The following PGGT1B variants were observed in gnomAD, a reference collection of about 807,000 sequenced individuals.
PGGT1B encodes protein geranylgeranyltransferase type I subunit beta.
Under a neutral mutation model 46.1 loss-of-function variants are expected in PGGT1B, and 30 were observed. That is an observed-to-expected ratio of 0.65 (90% CI 0.49 to 0.88). The LOEUF (loss-of-function observed/expected upper bound fraction) is 0.88. Ranked by LOEUF, PGGT1B falls within the 40% of genes least tolerant of loss-of-function variation. The pLI is 0.00. For missense variants in PGGT1B, 376 were observed against 455.9 expected (o/e 0.82, Z 1.60); for synonymous variants, 170 against 160.0 (o/e 1.06, Z -0.47).
In PGGT1B at chr5:115,262,827, G is replaced by A; in HGVS notation, c.25C>T (p.Leu9=). The part of the protein sequence containing the change: MAATEDER[L]AGSGEGERLD... ...CGCTCTCCCTCACCGCTCCCTGCTA[G>A]CCTCTCATCCTCAGTGGCCGCCATG... The change falls in exon 1 of 9, where the codon CTA becomes TTA. Residue 9 remains leucine (L), a synonymous_variant. Transcript: ENST00000419445. The A allele has an allele frequency of 6.2e-7, 1 of 1,612,490 alleles. No individual in the cohort carries two copies.
intron 2 of PGGT1B, among the ~76,000 whole-genome samples, chr5:115,242,062 T>C (rs544215813): frequency 2.6e-5 from 4 of 152,334 alleles, no homozygotes; most frequent in East Asian, 3.9e-4. Flanking sequence ...CTTCTTTACA[T>C]GGGAGCAAAC....
chr5:115,256,804 G>T (rs763901691), intron 1 of PGGT1B, among the ~76,000 whole-genome samples: 4 of 152,174 alleles, frequency 2.6e-5, no homozygotes, highest in Admixed American at 6.5e-5. Flanking sequence ...GTTCCTAGAT[G>T]ACTTCTACTT....
rs1291488247 is a variant in PGGT1B, at chr5:115,233,626, T to C, written c.613-2605A>G. ...CCCAAAGGCTAACTCTGGCCTGCAGTCTGGATTTGTATGGCCCTCGAGTTA... is the reference window on the plus strand; with the variant it reads ...CCCAAAGGCTAACTCTGGCCTGCAGCCTGGATTTGTATGGCCCTCGAGTTA... On this transcript the variant is annotated intron_variant, in intron 5 of 8. Coordinates refer to ENST00000419445, the MANE Select transcript of PGGT1B (RefSeq NM_005023.4). 2.0e-5 allele frequency among the ~76,000 whole-genome samples: 3 copies of C among 150,464 alleles called. No individual in the cohort carries two copies. In the East Asian group the frequency reaches 5.8e-4, roughly 29 times the overall value.
At chr5:115,242,620 T>C (rs866644729) in intron 2 of PGGT1B, among the ~76,000 whole-genome samples, 3 of 152,188 alleles carry the variant, frequency 2.0e-5, no homozygotes, top group Non-Finnish European at 4.4e-5. Context: ...CCACTAAATT[T>C]AAACTCTCCA....
intron 8 of PGGT1B, among the ~76,000 whole-genome samples, chr5:115,213,301 C>T (rs760346729): frequency 5.9e-5 from 9 of 152,214 alleles, no homozygotes; most frequent in Non-Finnish European, 1.2e-4. Context: ...CAGCGATCCT[C>T]TTCTATTAAA....
At chr5:115,244,747 C>A (rs1186873106) in intron 2 of PGGT1B, among the ~76,000 whole-genome samples, 2 of 151,782 alleles carry the variant, frequency 1.3e-5, no homozygotes, top group Middle Eastern at 3.4e-3. Context: ...TGAGCTACCA[C>A]GCCCAGCTAA....
intron 5 of PGGT1B, chr5:115,231,616 T>A (rs997352669): frequency 6.6e-6 from 1 of 152,120 alleles, no homozygotes; most frequent in Non-Finnish European, 1.5e-5. Flanking sequence ...AGCCGTCTAT[T>A]GCAACTCTAC....
intron 2 of PGGT1B, among the ~76,000 whole-genome samples, chr5:115,249,548 G>A (rs553720293): frequency 3.3e-5 from 5 of 152,014 alleles, no homozygotes; most frequent in African/African-American, 1.2e-4. Flanking sequence ...TGGGAGTCAG[G>A]GTAGATCAGA....
chr5:115,245,114 A>T (rs1398695604), intron 2 of PGGT1B, among the ~76,000 whole-genome samples: 1 of 152,140 alleles, frequency 6.6e-6, no homozygotes, highest in Non-Finnish European at 1.5e-5. Context: ...GACAGCTCTG[A>T]TACCATCTGT....
At chr5:115,235,283 A>T (rs1757144531) in intron 5 of PGGT1B, among the ~76,000 whole-genome samples, 1 of 152,122 alleles carries the variant, frequency 6.6e-6, no homozygotes, top group Non-Finnish European at 1.5e-5. Flanking sequence ...AAGTATAAGT[A>T]AATAAATAAA....
At chr5:115,237,829 C>A (rs764860701) in intron 4 of PGGT1B, 29 bp downstream of exon 4, 29 of 1,589,526 alleles carry the variant, frequency 1.8e-5, no homozygotes, top group Non-Finnish European at 2.5e-5. Context: ...TTGTTTATTA[C>A]AAAAAAAGTA....
At chr5:115,246,266 G>T (rs1162601270) in intron 2 of PGGT1B, among the ~76,000 whole-genome samples, 1 of 151,230 alleles carries the variant, frequency 6.6e-6, no homozygotes, top group Non-Finnish European at 1.5e-5. Flanking sequence ...TGAGGCAGAA[G>T]AATTGCTTGA....
intron 1 of PGGT1B, among the ~76,000 whole-genome samples, chr5:115,257,926 C>T (rs369128627): frequency 1.5e-4 from 23 of 152,302 alleles, no homozygotes; most frequent in African/African-American, 4.6e-4. Context: ...ATAGATGCTG[C>T]CATAATACTT....
intron 2 of PGGT1B, among the ~76,000 whole-genome samples, chr5:115,249,045 C>G (rs995642373): frequency 6.6e-6 from 1 of 152,036 alleles, no homozygotes; most frequent in Non-Finnish European, 1.5e-5. Flanking sequence ...ACTTTAAATA[C>G]AGAAACATAT....
At chr5:115,219,304 T>C (rs1484502054) in intron 7 of PGGT1B, among the ~76,000 whole-genome samples, 1 of 151,784 alleles carries the variant, frequency 6.6e-6, no homozygotes, top group African/African-American at 2.4e-5. Flanking sequence ...CACATATATA[T>C]AGTCAACTGA....
At chr5:115,257,578 C>A in intron 1 of PGGT1B, among the ~76,000 whole-genome samples, 1 of 144,404 alleles carries the variant, frequency 6.9e-6, no homozygotes. Context: ...ATAGTCTGGA[C>A]AGTGGAAAAA....
rs995922573 is a variant in PGGT1B at position 115,238,907 on chromosome 5, G to A, written c.328-898C>T. 8.5e-5 allele frequency among the ~76,000 whole-genome samples: 13 copies of A among 152,100 alleles called. 1 individual carries two copies. The East Asian group carries it at 1.7e-3, about 20-fold the overall frequency. ...AGTTCTTTGGAGTCAAGATCCAAGG[G>A]TCTTGAAACCACCCATGAATCGTAA... is the stretch of plus-strand genomic sequence containing the variant. On this transcript the variant is annotated intron_variant, in intron 3 of 8. Coordinates refer to ENST00000419445, the MANE Select transcript of PGGT1B (RefSeq NM_005023.4).
chr5:115,237,168 G>A (rs1757209302), intron 4 of PGGT1B, among the ~76,000 whole-genome samples: 1 of 152,082 alleles, frequency 6.6e-6, no homozygotes. Context: ...TATTCTACTT[G>A]TCTACATTTA....
chr5:115,237,367 T>C (rs775440462), intron 4 of PGGT1B, among the ~76,000 whole-genome samples: 1 of 152,174 alleles, frequency 6.6e-6, no homozygotes, highest in Non-Finnish European at 1.5e-5. Context: ...GGAAGATTCA[T>C]CTTTAGACAC....
Sources: allele counts gnomAD v4.1 joint callset (sites outside exome capture counted in the v4.1 genomes callset), GRCh38; gene constraint gnomAD v4.1.1; transcripts MANE v1.5; gene names NCBI Gene and HGNC (gene_info 2026-07-23, HGNC 2026-07-21).